LTA4H: variants seen among roughly 807,000 people sequenced by gnomAD.
LTA4H encodes the protein leukotriene A4 hydrolase.
LTA4H carries 59 observed loss-of-function variants against 89.8 expected under a neutral mutation model. The observed-to-expected ratio is 0.66, with a 90% confidence interval of 0.53 to 0.82. The LOEUF (loss-of-function observed/expected upper bound fraction) is 0.82. Among genes scored for constraint, LTA4H ranks in the 40% least tolerant of loss-of-function variants. The probability of loss-of-function intolerance (pLI) is 0.00; values close to 1 mark genes in which losing one functional copy is unlikely to be tolerated. For synonymous variants in LTA4H, 227 were observed against 253.1 expected (o/e 0.90, Z 0.98); for missense variants, 617 against 727.0 (o/e 0.85, Z 1.74).
At chr12:96,029,288 T>C (rs1592896759) in intron 1 of LTA4H, 103 bp from the exon 2 acceptor site, 1 of 560,118 alleles carries the variant, frequency 1.8e-6, no homozygotes, top group Non-Finnish European at 2.9e-6. Flanking sequence ...GAGAGTAAAA[T>C]ACAGAGTGAA....
chr12:96,005,705 T>A (rs149794261), intron 16 of LTA4H, among the ~76,000 whole-genome samples: 2 of 152,264 alleles, frequency 1.3e-5, no homozygotes, highest in African/African-American at 4.8e-5. Context: ...ATTAAGTTTT[T>A]CCAAATGATA....
chr12:96,019,095 A>G, intron 7 of LTA4H, 73 bp downstream of exon 7: 2 of 1,395,114 alleles, frequency 1.4e-6, no homozygotes, highest in Non-Finnish European at 2.0e-6. Context: ...ACTTAAAACC[A>G]TCACATTTCA....
intron 15 of LTA4H, among the ~76,000 whole-genome samples, chr12:96,007,405 G>C (rs1308859447): frequency 1.3e-5 from 2 of 152,138 alleles, no homozygotes; most frequent in Non-Finnish European, 2.9e-5. Flanking sequence ...CCAAAATTCA[G>C]GACAATGGTA....
chr12:96,012,439 C>G (rs753602732), intron 14 of LTA4H: 1 of 152,454 alleles, frequency 6.6e-6, no homozygotes, highest in African/African-American at 2.4e-5. Flanking sequence ...AGGCCGGGCA[C>G]GGTGGCTCAC....
At chr12:96,013,915 C>A in intron 12 of LTA4H, 62 bp from the exon 13 acceptor site, 1 of 764,358 alleles carries the variant, frequency 1.3e-6, no homozygotes. Context: ...ATTTTGTGTG[C>A]GTGTTTGGCA....
chr12:96,034,270 T>C (rs764089088), intron 1 of LTA4H, among the ~76,000 whole-genome samples: 3 of 152,228 alleles, frequency 2.0e-5, no homozygotes, highest in Admixed American at 6.5e-5. Flanking sequence ...GGCTGTCTTT[T>C]CATGACCCTC....
chr12:96,027,732 T>G (rs1249179136), intron 2 of LTA4H, 168 bp from the exon 3 acceptor site: 2 of 398,890 alleles, frequency 5.0e-6, no homozygotes, highest in African/African-American at 4.2e-5. Flanking sequence ...CTCCTCTCAG[T>G]TTTCCTACCT....
upstream of LTA4H, chr12:96,035,793 C>T: frequency 1.9e-6 from 1 of 512,904 alleles, no homozygotes; most frequent in Non-Finnish European, 3.0e-6. Context: ...GCTCCTGGAG[C>T]TGAAGAAGAG....
intron 9 of LTA4H, 65 bp from the exon 10 acceptor site, chr12:96,017,179 G>A: frequency 2.8e-6 from 3 of 1,069,678 alleles, no homozygotes; most frequent in South Asian, 1.3e-5. Context: ...CCATTCTACT[G>A]TAAACACTCC....
chr12:96,021,007 C>A, intron 6 of LTA4H, 78 bp downstream of exon 6: 1 of 1,082,238 alleles, frequency 9.2e-7, no homozygotes, highest in Admixed American at 2.4e-5. Flanking sequence ...AAATGATTGA[C>A]CAATTAACCT....
Position 96,009,095 on chromosome 12 carries a change from G to C in LTA4H, c.1433C>G (p.Thr478Ser), listed in dbSNP as rs773942554. 30 of 1,596,704 alleles carry C rather than the reference G, an allele frequency of 1.9e-5. No homozygotes were observed. The highest frequency in any genetic ancestry group is 2.6e-5 in the Non-Finnish European group (30 of 1,165,852). ...ACIALSQRWI[T>S]AKEDDLNSFN... ...CAAAAATCACACATTATTACTTACA[G>C]TAATCCATCTTTGACTTAAGGCAAT... Residue 478 changes from threonine to serine, a missense_variant and splice_region_variant, in exon 15 of 19, where the codon ACT becomes AGT. By Grantham distance (58) the Thr-to-Ser change is moderately conservative. Transcript: ENST00000228740.
At chr12:96,035,645 G>T, upstream of LTA4H, 1 of 1,432,516 alleles carries the variant, frequency 7.0e-7, no homozygotes. Flanking sequence ...GGTGCACGCC[G>T]GGAAAGGAAG....
intron 14 of LTA4H, chr12:96,010,782 A>C (rs1170254077): frequency 6.6e-6 from 1 of 152,250 alleles, no homozygotes; most frequent in Non-Finnish European, 1.5e-5. Context: ...AAGTCAGAAC[A>C]GATACAAGTG....
At chr12:96,014,522 C>A (rs1253488249) in intron 12 of LTA4H, among the ~76,000 whole-genome samples, 2 of 152,124 alleles carry the variant, frequency 1.3e-5, no homozygotes, top group Non-Finnish European at 2.9e-5. Flanking sequence ...ACAGTGGTTA[C>A]CCCTGGGGAG....
Position 96,003,081 on chromosome 12 carries a change from G to C in LTA4H, c.1614-17C>G, listed in dbSNP as rs372150645. On this transcript the variant is annotated splice_polypyrimidine_tract_variant and intron_variant, in intron 17 of 18. Coordinates refer to ENST00000228740, the MANE Select transcript of LTA4H (RefSeq NM_000895.3). ...CGCAGCCATCTAAAAGGAGGATTTG[G>C]GGGGAGCATGGAGTAGAAAATGAGG... 4.1e-5 allele frequency: 62 copies of C among 1,528,348 alleles called. No individual in the cohort carries two copies. The highest frequency in any genetic ancestry group is 3.5e-4 in the African/African-American group (26 of 73,766). 94.7% of individuals were successfully genotyped at this position (1,528,348 alleles called of 1,614,324 possible). A position where few individuals can be genotyped will look rare whatever the true frequency, so the allele number is the denominator to read the frequency against.
At chr12:96,028,130 G>C (rs561042585) in intron 2 of LTA4H, among the ~76,000 whole-genome samples, 1 of 152,232 alleles carries the variant, frequency 6.6e-6, no homozygotes, top group African/African-American at 2.4e-5. Context: ...AAAAGTATCA[G>C]TCTATGACAG....
At chr12:96,004,983 G>T (rs558625176) in intron 16 of LTA4H, among the ~76,000 whole-genome samples, 2 of 152,088 alleles carry the variant, frequency 1.3e-5, no homozygotes, top group African/African-American at 4.8e-5. Context: ...TGGGTCCTTT[G>T]TTGCGTCAAA....
At chr12:96,043,281 G>C in intron 1 of LTA4H, 1 of 1,530,082 alleles carries the variant, frequency 6.5e-7, no homozygotes, top group Non-Finnish European at 8.8e-7. Context: ...AAGGAGCTTG[G>C]AACTTACCTT....
At chr12:96,008,936 T>C (rs536059684) in intron 15 of LTA4H, among the ~76,000 whole-genome samples, 158 bp downstream of exon 15, 1 of 152,286 alleles carries the variant, frequency 6.6e-6, no homozygotes, top group East Asian at 1.9e-4. Context: ...TAATTTTCTA[T>C]ATTGAGAGTA....
Sources: allele counts gnomAD v4.1 joint callset (sites outside exome capture counted in the v4.1 genomes callset), GRCh38; gene constraint gnomAD v4.1.1; transcripts MANE v1.5; gene names NCBI Gene and HGNC (gene_info 2026-07-23, HGNC 2026-07-21).